GRM5: variants seen among roughly 807,000 people sequenced by gnomAD.
GRM5 encodes glutamate metabotropic receptor 5.
A neutral mutation model predicts 83.1 loss-of-function variants in GRM5; 19 were observed. The ratio of observed to expected loss-of-function variants is 0.23; its 90% CI spans 0.16 to 0.34. The LOEUF is 0.34. Among genes scored for constraint, GRM5 ranks in the 10% least tolerant of loss-of-function variants. The probability of loss-of-function intolerance (pLI) is 1.00; values close to 1 mark genes in which losing one functional copy is unlikely to be tolerated. For missense variants in GRM5, 1,160 were observed against 1,588.3 expected (o/e 0.73, Z 4.58); for synonymous variants, 675 against 633.6 (o/e 1.07, Z -0.98).
chr11:88,605,175 A>G (rs1285043638), intron 4 of GRM5, among the ~76,000 whole-genome samples: 1 of 152,160 alleles, frequency 6.6e-6, no homozygotes. Context: ...AACTCTGAAA[A>G]AAGTTCTGAA....
At chr11:88,822,411 G>T (rs1943815159) in intron 3 of GRM5, among the ~76,000 whole-genome samples, 1 of 152,208 alleles carries the variant, frequency 6.6e-6, no homozygotes, top group Non-Finnish European at 1.5e-5. Context: ...CAAAAGAGGT[G>T]AAGTTATTTT....
At chr11:88,799,718 G>A (rs1204345997) in intron 3 of GRM5, among the ~76,000 whole-genome samples, 1 of 152,080 alleles carries the variant, frequency 6.6e-6, no homozygotes, top group Non-Finnish European at 1.5e-5. Flanking sequence ...AGCAACATTA[G>A]CTATTTTGTG....
intron 3 of GRM5, among the ~76,000 whole-genome samples, chr11:88,666,601 T>C (rs1940051267): frequency 6.6e-6 from 1 of 152,222 alleles, no homozygotes; most frequent in Non-Finnish European, 1.5e-5. Flanking sequence ...GCCTGAGTTT[T>C]ATTGAGAACA....
At chr11:88,551,156 G>C (rs1942498458) in intron 8 of GRM5, among the ~76,000 whole-genome samples, 1 of 152,076 alleles carries the variant, frequency 6.6e-6, no homozygotes. Context: ...TTGTTTTAGT[G>C]GTTCAGTGAA....
intron 4 of GRM5, among the ~76,000 whole-genome samples, chr11:88,626,355 G>T (rs11020686): frequency 6.6e-6 from 1 of 152,114 alleles, no homozygotes; most frequent in Non-Finnish European, 1.5e-5. Context: ...AGTCTAATCG[G>T]AAACCTTCTG....
At chr11:88,653,033 T>C (rs1939673601) in intron 4 of GRM5, 135 bp downstream of exon 4, 2 of 618,216 alleles carry the variant, frequency 3.2e-6, no homozygotes, top group Admixed American at 2.9e-5. Flanking sequence ...TTTATCACCA[T>C]AAGTGGCAAT....
chr11:88,622,323 C>T lies in GRM5; in HGVS notation c.1148-17359G>A, dbSNP rs117496583. 4.0e-3 allele frequency among the ~76,000 whole-genome samples: 610 copies of T among 152,276 alleles called. 11 individuals are homozygous for T. The East Asian group carries it at 0.066, about 17-fold the overall frequency. On this transcript the variant is annotated intron_variant, in intron 4 of 9. Transcript: ENST00000305447. ...AGAGTTAGAATAAAATGCTAAATGA[C>T]ATAAAGCTAAAACATACTTGGGGAG...
chr11:88,824,973 CAT>C lies in GRM5; in HGVS notation c.911+24931_911+24932del, dbSNP rs1407942775. Among the ~76,000 whole-genome samples the C allele has an allele frequency of 3.9e-5, 6 of 152,126 alleles. No individual in the cohort carries two copies. In the East Asian group the frequency reaches 1.2e-3, roughly 29 times the overall value. ...GCATAGTCATATTTATAAATCTAAA[CAT>C]GTTTTAATTTTAGATATATAACACA... On this transcript the variant is annotated intron_variant, in intron 3 of 9. Coordinates refer to ENST00000305447, the MANE Select transcript of GRM5 (RefSeq NM_001143831.3).
intron 8 of GRM5, among the ~76,000 whole-genome samples, chr11:88,560,900 G>A (rs1184167308): frequency 6.6e-6 from 1 of 152,182 alleles, no homozygotes; most frequent in Non-Finnish European, 1.5e-5. Flanking sequence ...GAAAGGGAGA[G>A]TGATATGTGT....
intron 8 of GRM5, among the ~76,000 whole-genome samples, chr11:88,560,582 C>T (rs1942731620): frequency 6.6e-6 from 1 of 152,046 alleles, no homozygotes; most frequent in African/African-American, 2.4e-5. Context: ...AAAGCATTAT[C>T]AGATAAAATC....
rs1180905335 is a variant in GRM5, at chr11:88,860,405, T to G, written c.662-10250A>C. Among the ~76,000 whole-genome samples the G allele has an allele frequency of 2.6e-4, 39 of 152,172 alleles. 1 individual carries two copies. Among genetic ancestry groups the G allele is most frequent in the Admixed American group, 2.5e-3 (38 of 15,250 alleles). On this transcript the variant is annotated intron_variant, in intron 2 of 9. Coordinates refer to ENST00000305447, the MANE Select transcript of GRM5 (RefSeq NM_001143831.3). ...CATTTCCACAGAAAGGAGAAAACTCTATACGGAGCTGTGTGTCAATGGGTC... is the reference window on the plus strand; with the variant it reads ...CATTTCCACAGAAAGGAGAAAACTCGATACGGAGCTGTGTGTCAATGGGTC...
chr11:88,735,157 T>C (rs1361385265), intron 3 of GRM5, among the ~76,000 whole-genome samples: 2 of 151,914 alleles, frequency 1.3e-5, no homozygotes, highest in African/African-American at 4.8e-5. Context: ...CATTGTTTAG[T>C]TTTATTTTTT....
At chr11:88,588,617 T>C (rs1294372770) in intron 7 of GRM5, among the ~76,000 whole-genome samples, 1 of 152,172 alleles carries the variant, frequency 6.6e-6, no homozygotes, top group East Asian at 1.9e-4. Flanking sequence ...AGTTATTATT[T>C]GCTAAATATT....
chr11:88,536,473 C>T (rs1274801251), intron 8 of GRM5, among the ~76,000 whole-genome samples: 1 of 152,154 alleles, frequency 6.6e-6, no homozygotes, highest in Non-Finnish European at 1.5e-5. Context: ...TTTCCCTTTG[C>T]CTCCCTGCCT....
chr11:88,599,788 C>T (rs1363810563), intron 5 of GRM5, among the ~76,000 whole-genome samples: 1 of 151,946 alleles, frequency 6.6e-6, no homozygotes, highest in Non-Finnish European at 1.5e-5. Flanking sequence ...CTGAGGCGGG[C>T]AGATCATGAG....
At chr11:88,526,027 C>A (rs1229662321) in intron 8 of GRM5, among the ~76,000 whole-genome samples, 1 of 152,098 alleles carries the variant, frequency 6.6e-6, no homozygotes, top group Non-Finnish European at 1.5e-5. Context: ...TTGAGCAAGC[C>A]CTCATTGAGT....
chr11:88,629,677 G>C (rs1281275379), intron 4 of GRM5, among the ~76,000 whole-genome samples: 1 of 152,002 alleles, frequency 6.6e-6, no homozygotes, highest in African/African-American at 2.4e-5. Flanking sequence ...ATTGCCCTTG[G>C]ATACTCTGAC....
At chr11:88,895,275 T>C (rs921844756) in intron 2 of GRM5, among the ~76,000 whole-genome samples, 1 of 152,012 alleles carries the variant, frequency 6.6e-6, no homozygotes, top group Non-Finnish European at 1.5e-5. Context: ...CTTTTTGAAA[T>C]AGTTTCCTCA....
At chr11:88,544,150 G>A (rs2135136677) in intron 8 of GRM5, among the ~76,000 whole-genome samples, 1 of 152,080 alleles carries the variant, frequency 6.6e-6, no homozygotes, top group African/African-American at 2.4e-5. Context: ...CCCAGATGCT[G>A]GTGCCATGGT....
Sources: allele counts gnomAD v4.1 joint callset (sites outside exome capture counted in the v4.1 genomes callset), GRCh38; gene constraint gnomAD v4.1.1; transcripts MANE v1.5; gene names NCBI Gene and HGNC (gene_info 2026-07-23, HGNC 2026-07-21).